Variants in GRAMD1B observed in about 807,000 individuals in gnomAD.
The protein encoded by GRAMD1B is GRAM domain containing 1B.
Under a neutral mutation model 99.7 loss-of-function variants are expected in GRAMD1B, and 37 were observed. The observed-to-expected ratio is 0.37, with a 90% confidence interval of 0.29 to 0.49. The LOEUF (loss-of-function observed/expected upper bound fraction) is 0.49. Among genes scored for constraint, GRAMD1B ranks in the 20% least tolerant of loss-of-function variants. The pLI, the probability that GRAMD1B is intolerant of heterozygous loss-of-function variation, is 0.98. For synonymous variants in GRAMD1B, 427 were observed against 387.6 expected, an observed-to-expected ratio of 1.10 and a Z score of -1.19; for missense variants, 888 against 1,009.2, an observed-to-expected ratio of 0.88 and a Z score of 1.63.
In GRAMD1B at chr11:123,624,637, G is replaced by A. The variant is rs1374739383; in HGVS notation, c.*2042G>A. The A allele has an allele frequency of 6.6e-6, 1 of 152,230 alleles. No individual in the cohort carries two copies. The highest frequency in any genetic ancestry group is 1.5e-5 in the Non-Finnish European group (1 of 68,056). The allele number at this position is 152,230 out of a possible 1,614,324, so 9.4% of individuals were successfully genotyped here. On this transcript the variant is annotated 3_prime_UTR_variant, in exon 20 of 20. Transcript: ENST00000635736. Reference sequence around the variant, plus strand: ...CATGGGCTCTGAGCCAAAGAAGGAGGCATGGTGCAGACTGCTGGAAATCTC... The same window carrying A: ...CATGGGCTCTGAGCCAAAGAAGGAGACATGGTGCAGACTGCTGGAAATCTC...
intron 1 of GRAMD1B, among the ~76,000 whole-genome samples, chr11:123,403,625 C>A (rs1319798423): frequency 6.6e-6 from 1 of 151,690 alleles, no homozygotes; most frequent in Non-Finnish European, 1.5e-5. Flanking sequence ...CTCACTACAA[C>A]CTCTGCCTCC....
At chr11:123,416,448 C>T (rs563560079) in intron 1 of GRAMD1B, among the ~76,000 whole-genome samples, 3 of 152,278 alleles carry the variant, frequency 2.0e-5, no homozygotes, top group Admixed American at 1.3e-4. Context: ...AGATAATGAT[C>T]ATAATTATAC....
chr11:123,369,017 G>T (rs529955745), intron 1 of GRAMD1B, among the ~76,000 whole-genome samples: 42 of 152,252 alleles, frequency 2.8e-4, no homozygotes, highest in African/African-American at 9.6e-4. Flanking sequence ...AAATCAGGCT[G>T]GGCGCAGTGA....
At position 123,594,594 on chromosome 11, in the gene GRAMD1B, G is replaced by T. The variant is rs139508462; in HGVS notation, c.770-141G>T. ...ATGGTAGGGACTTCCTTGGCTGCTAGTTCAAGTGTCTGGCACCCCTTGTCC... is the reference window on the plus strand; with the variant it reads ...ATGGTAGGGACTTCCTTGGCTGCTATTTCAAGTGTCTGGCACCCCTTGTCC... On this transcript the variant is annotated intron_variant, in intron 5 of 19. Transcript: ENST00000635736. 1.2e-3 allele frequency: 773 copies of T among 627,640 alleles called. 6 individuals are homozygous for T. In the African/African-American group the frequency reaches 0.013, roughly 10 times the overall value. The allele number at this position is 627,640 out of a possible 1,614,324, so 38.9% of individuals were successfully genotyped here. A position where few individuals can be genotyped will look rare whatever the true frequency, so the allele number is the denominator to read the frequency against.
chr11:123,371,320 C>G (rs1010700493), intron 1 of GRAMD1B, among the ~76,000 whole-genome samples: 2 of 151,992 alleles, frequency 1.3e-5, no homozygotes, highest in African/African-American at 4.8e-5. Context: ...TCTGCCAGGT[C>G]TTATGATTAT....
intron 1 of GRAMD1B, among the ~76,000 whole-genome samples, chr11:123,402,050 G>A (rs988236159): frequency 6.6e-6 from 1 of 152,190 alleles, no homozygotes; most frequent in Non-Finnish European, 1.5e-5. Flanking sequence ...AAAAGGCCAC[G>A]TTCTTTTCAG....
intron 1 of GRAMD1B, among the ~76,000 whole-genome samples, chr11:123,439,280 G>A (rs1949301723): frequency 6.6e-6 from 1 of 152,172 alleles, no homozygotes; most frequent in East Asian, 1.9e-4. Context: ...GTTTTCCAGT[G>A]GGAGAAGGGA....
chr11:123,548,325 T>TATATATATATATATACACACAC (rs1555067740), intron 2 of GRAMD1B, among the ~76,000 whole-genome samples: 2 of 86,904 alleles, frequency 2.3e-5, no homozygotes, highest in African/African-American at 1.0e-4. Flanking sequence ...TATATATATA[T>TATATATATATATATACACACAC]ACACACACAC....
intron 2 of GRAMD1B, among the ~76,000 whole-genome samples, chr11:123,526,665 G>A (rs1228994630): frequency 1.3e-5 from 2 of 152,096 alleles, no homozygotes. Flanking sequence ...TCCCTCTGAG[G>A]GGCCAGGCTC....
chr11:123,486,564 A>T (rs558622091), intron 2 of GRAMD1B, among the ~76,000 whole-genome samples: 5 of 147,630 alleles, frequency 3.4e-5, no homozygotes, highest in Admixed American at 6.8e-5. Flanking sequence ...GAAAAAAAAA[A>T]AAAAACAAAA....
chr11:123,603,276 G>T (rs973101163), intron 8 of GRAMD1B, 150 bp from the exon 9 acceptor site: 21 of 622,020 alleles, frequency 3.4e-5, no homozygotes, highest in Non-Finnish European at 4.4e-5. Context: ...AGACCCCCAA[G>T]GCAGATGGGG....
chr11:123,465,411 G>T (rs1201596450), intron 1 of GRAMD1B, among the ~76,000 whole-genome samples: 2 of 152,156 alleles, frequency 1.3e-5, no homozygotes, highest in Non-Finnish European at 2.9e-5. Flanking sequence ...ATCCAGTGTG[G>T]TAAGACATGT....
chr11:123,466,440 AAG>A (rs1277955046), intron 1 of GRAMD1B, among the ~76,000 whole-genome samples: 1 of 146,412 alleles, frequency 6.8e-6, no homozygotes, highest in Non-Finnish European at 1.5e-5. Flanking sequence ...GAAAGGAAGA[AAG>A]AAAGAAAGAG....
intron 2 of GRAMD1B, among the ~76,000 whole-genome samples, chr11:123,549,202 G>C (rs1196975888): frequency 6.6e-6 from 1 of 152,136 alleles, no homozygotes; most frequent in South Asian, 2.1e-4. Flanking sequence ...TGGCCACAGA[G>C]CCCAATTTTT....
rs1417434843 is a variant in GRAMD1B, at chr11:123,624,307, G to A, written c.*1712G>A. 6.6e-6 allele frequency: 1 copy of A among 152,140 alleles called. No homozygotes were observed. The highest frequency in any genetic ancestry group is 1.5e-5 in the Non-Finnish European group (1 of 68,038). 9.4% of individuals were successfully genotyped at this position (152,140 alleles called of 1,614,324 possible). On this transcript the variant is annotated 3_prime_UTR_variant, in exon 20 of 20. Transcript: ENST00000635736. ...TAAAGTTGTATTTTTTTCTTAGAAT[G>A]GCCTTTAATTCCCTGTGGCAATTAC...
intron 1 of GRAMD1B, among the ~76,000 whole-genome samples, chr11:123,373,316 G>A (rs1359617629): frequency 1.3e-5 from 2 of 151,844 alleles, no homozygotes; most frequent in Admixed American, 6.6e-5. Flanking sequence ...GATAGCACGG[G>A]CACTGGTTTT....
At chr11:123,530,565 G>C (rs1943248862) in intron 2 of GRAMD1B, among the ~76,000 whole-genome samples, 1 of 152,156 alleles carries the variant, frequency 6.6e-6, no homozygotes, top group South Asian at 2.1e-4. Context: ...GTTTTTAGTA[G>C]AGACGGGGTT....
intron 17 of GRAMD1B, chr11:123,618,300 T>C (rs763165845): frequency 6.3e-7 from 1 of 1,590,966 alleles, no homozygotes; most frequent in East Asian, 2.2e-5. Context: ...CTTGCCTGTT[T>C]CTAACCTCTG....
At chr11:123,420,599 G>A (rs1331529721) in intron 1 of GRAMD1B, among the ~76,000 whole-genome samples, 1 of 152,148 alleles carries the variant, frequency 6.6e-6, no homozygotes, top group African/African-American at 2.4e-5. Flanking sequence ...ATTGAATAAG[G>A]AAACAAAGGG....
Sources: allele counts gnomAD v4.1 joint callset (sites outside exome capture counted in the v4.1 genomes callset), GRCh38; gene constraint gnomAD v4.1.1; transcripts MANE v1.5; gene names NCBI Gene and HGNC (gene_info 2026-07-23, HGNC 2026-07-21).